EIPR1: variants seen among roughly 807,000 people sequenced by gnomAD.
EIPR1 encodes EARP and GARP complex-interacting protein 1.
A neutral mutation model predicts 48.1 loss-of-function variants in EIPR1; 25 were observed. The observed-to-expected ratio is 0.52, with a 90% CI of 0.38 to 0.73. The LOEUF (loss-of-function observed/expected upper bound fraction) is 0.73, where lower values mean the gene tolerates loss of function less well. Ranked by LOEUF, EIPR1 falls within the 30% of genes least tolerant of loss-of-function variation. The pLI is 0.00. For missense variants in EIPR1, 415 were observed against 506.2 expected, an observed-to-expected ratio of 0.82 and a Z score of 1.73; for synonymous variants, 204 against 201.9, an observed-to-expected ratio of 1.01 and a Z score of -0.09.
intron 1 of EIPR1, among the ~76,000 whole-genome samples, chr2:3,367,777 G>A (rs182671181): frequency 8.7e-4 from 132 of 152,230 alleles, no homozygotes; most frequent in African/African-American, 2.5e-3. Flanking sequence ...GGCTGGGTGC[G>A]GGGGCTCACA....
At chr2:3,356,332 C>A (rs1318629897) in intron 1 of EIPR1, among the ~76,000 whole-genome samples, 1 of 152,174 alleles carries the variant, frequency 6.6e-6, no homozygotes, top group East Asian at 1.9e-4. Flanking sequence ...GCTGGATTTC[C>A]TGAAAGAGAA....
At chr2:3,327,825 G>T (rs992855054) in intron 3 of EIPR1, among the ~76,000 whole-genome samples, 1 of 151,624 alleles carries the variant, frequency 6.6e-6, no homozygotes, top group Non-Finnish European at 1.5e-5. Flanking sequence ...TACTCAACTC[G>T]TTTTGTTGTT....
At chr2:3,202,188 C>T (rs866267093) in intron 5 of EIPR1, among the ~76,000 whole-genome samples, 2 of 152,234 alleles carry the variant, frequency 1.3e-5, no homozygotes, top group Admixed American at 6.5e-5. Flanking sequence ...CCGTCCGCCT[C>T]GGCCTCCCAA....
intron 5 of EIPR1, chr2:3,209,006 G>A (rs936652656): frequency 1.8e-5 from 26 of 1,454,924 alleles, no homozygotes; most frequent in African/African-American, 1.6e-4. Context: ...CGCCAGAAGC[G>A]GGAACAATAG....
In EIPR1 at chr2:3,305,180, A is replaced by G. The variant is rs571823995; in HGVS notation, c.259+32837T>C. Among the ~76,000 whole-genome samples, 150 of 81,520 alleles carry G rather than the reference A, an allele frequency of 1.8e-3. 5 individuals carry two copies. The highest frequency in any genetic ancestry group is 7.5e-3 in the African/African-American group (145 of 19,430). 53.5% of individuals were successfully genotyped at this position (81,520 alleles called of 152,430 possible). A position where few individuals can be genotyped will look rare whatever the true frequency, so the allele number is the denominator to read the frequency against. On this transcript the variant is annotated intron_variant, in intron 3 of 8. Coordinates refer to ENST00000382125, the MANE Select transcript of EIPR1 (RefSeq NM_003310.5). Reference sequence around the variant, plus strand: ...CACTCCCGTCCAGTTCAACCCTCCAATCCCATCCAGTTCAACCTTCCACTC... The same window carrying G: ...CACTCCCGTCCAGTTCAACCCTCCAGTCCCATCCAGTTCAACCTTCCACTC...
intron 3 of EIPR1, among the ~76,000 whole-genome samples, chr2:3,301,976 T>A (rs1377770348): frequency 6.6e-6 from 1 of 152,170 alleles, no homozygotes; most frequent in Non-Finnish European, 1.5e-5. Context: ...AGGACCACCA[T>A]GAGGGCTCTG....
chr2:3,200,009 T>C (rs1284675576), intron 5 of EIPR1, among the ~76,000 whole-genome samples: 2 of 151,170 alleles, frequency 1.3e-5, no homozygotes, highest in East Asian at 3.9e-4. Context: ...TGGGCATGCA[T>C]GGGGAGAGTA....
chr2:3,225,670 T>C (rs1332423825), intron 4 of EIPR1, among the ~76,000 whole-genome samples: 3 of 152,212 alleles, frequency 2.0e-5, no homozygotes, highest in East Asian at 3.8e-4. Flanking sequence ...AGATGCACTC[T>C]CTTAGCCAAT....
intron 3 of EIPR1, among the ~76,000 whole-genome samples, chr2:3,273,899 G>A (rs551254671): frequency 6.6e-6 from 1 of 152,106 alleles, no homozygotes; most frequent in East Asian, 1.9e-4. Flanking sequence ...TACTATAATC[G>A]CAATGTTCGA....
At position 3,312,819 on chromosome 2, in the gene EIPR1, C is replaced by G. The variant is rs1196560883; in HGVS notation, c.259+25198G>C. Among the ~76,000 whole-genome samples, 1 of 152,166 alleles carries G rather than the reference C, an allele frequency of 6.6e-6. No homozygotes were observed. On this transcript the variant is annotated intron_variant, in intron 3 of 8. Transcript: ENST00000382125. This position sits in a 1 kb window ranked among gnomAD's most constrained non-coding sequence, Gnocchi z 5.5. ...TCATGGCCTGACCACCGCTGTGGGCCTCATTCTGGAATGGATGCTACCTAA... is the reference window on the plus strand; with the variant it reads ...TCATGGCCTGACCACCGCTGTGGGCGTCATTCTGGAATGGATGCTACCTAA...
intron 2 of EIPR1, among the ~76,000 whole-genome samples, chr2:3,340,533 T>C (rs1390514821): frequency 2.0e-5 from 3 of 152,264 alleles, no homozygotes; most frequent in Non-Finnish European, 4.4e-5. Context: ...TGTACTCTTT[T>C]TCCTTTCCAC....
chr2:3,281,820 G>C (rs1668018703), intron 3 of EIPR1, among the ~76,000 whole-genome samples: 2 of 152,272 alleles, frequency 1.3e-5, no homozygotes, highest in South Asian at 4.1e-4. Context: ...ATGTAACTGT[G>C]TTTATTTCAA....
At chr2:3,304,216 G>C (rs532414355) in intron 3 of EIPR1, among the ~76,000 whole-genome samples, 2 of 152,206 alleles carry the variant, frequency 1.3e-5, no homozygotes, top group Non-Finnish European at 2.9e-5. Flanking sequence ...AGGGAACAGC[G>C]TGCTGTGCGC....
At chr2:3,325,350 C>A (rs189030772) in intron 3 of EIPR1, among the ~76,000 whole-genome samples, 1 of 152,178 alleles carries the variant, frequency 6.6e-6, no homozygotes, top group Non-Finnish European at 1.5e-5. Context: ...TCTCCCACTG[C>A]GGAGGAGATG....
chr2:3,192,221 G>A (rs1385053604), intron 8 of EIPR1, among the ~76,000 whole-genome samples, 193 bp downstream of exon 8: 1 of 152,222 alleles, frequency 6.6e-6, no homozygotes, highest in East Asian at 1.9e-4. Context: ...TAACGCACCT[G>A]CAGTGCCTCC....
chr2:3,255,609 A>C (rs979343470), intron 4 of EIPR1, among the ~76,000 whole-genome samples: 3 of 152,212 alleles, frequency 2.0e-5, no homozygotes, highest in Admixed American at 2.0e-4. Flanking sequence ...CAAGGTGGGA[A>C]GTTGAGAAGC....
chr2:3,289,954 G>A (rs572957168), intron 3 of EIPR1, among the ~76,000 whole-genome samples: 49 of 152,362 alleles, frequency 3.2e-4, no homozygotes, highest in African/African-American at 1.0e-3. Context: ...CAGCTGCCAC[G>A]GTCGCTCACA....
In EIPR1 at chr2:3,208,766, A is replaced by G. The variant is rs147610960; in HGVS notation, c.516+5383T>C. 1.7e-4 allele frequency: 265 copies of G among 1,546,976 alleles called. No homozygotes were observed. In the African/African-American group the frequency reaches 3.4e-3, roughly 20 times the overall value. ...CCTTCTGTGAGTGAGGCCCGTGGCG[A>G]GTCCTTCTTCCTTGAGTGAGGCTCG... On this transcript the variant is annotated intron_variant, in intron 5 of 8. Transcript: ENST00000382125.
At chr2:3,353,097 T>C (rs1670628055) in intron 2 of EIPR1, 3 of 386,494 alleles carry the variant, frequency 7.8e-6, no homozygotes, top group Non-Finnish European at 1.6e-5. Context: ...AATCATTGTG[T>C]TTTTATTAGT....
Sources: gnomAD v4.1 joint callset for allele counts (sites outside exome capture counted in the v4.1 genomes callset) on GRCh38, gnomAD v4.1.1 for gene constraint, Gnocchi (gnomAD v3.1) non-coding constraint, MANE v1.5 for transcripts, NCBI Gene and HGNC (gene_info 2026-07-23, HGNC 2026-07-21) for gene names.